Variants in ADAMTS6 observed in about 807,000 individuals in gnomAD.
ADAMTS6 encodes A disintegrin and metalloproteinase with thrombospondin motifs 6.
A neutral mutation model predicts 144.3 loss-of-function variants in ADAMTS6; 23 were observed. That is an observed-to-expected ratio of 0.16 (90% CI 0.11 to 0.23). ADAMTS6 has a LOEUF of 0.23. Ranked by LOEUF, ADAMTS6 falls within the 10% of genes least tolerant of loss-of-function variation. ADAMTS6 has a pLI of 1.00. For synonymous variants in ADAMTS6, 444 were observed against 457.5 expected (o/e 0.97, Z 0.38); for missense variants, 999 against 1,379.6 (o/e 0.72, Z 4.37).
chr5:65,329,427 C>A lies in ADAMTS6; in HGVS notation c.1174G>T (p.Asp392Tyr). ...GTAAAAGCTGAACCCAGGCCAATGT[C>A]TTCATTAATGCTGCAGCTCCTTTCA... is the stretch of plus-strand genomic sequence containing the variant. Reference protein sequence around the residue: ...EPERSCSINEDIGLGSAFTIA... With the variant: ...EPERSCSINEYIGLGSAFTIA... The change falls in exon 9 of 25, where the codon GAC becomes TAC. Residue 392 changes from aspartate to tyrosine, a missense_variant. Asp to Tyr is a radical substitution (Grantham distance 160, BLOSUM62 -3). Transcript: ENST00000381055. 1 of 1,612,936 alleles carries A rather than the reference C, an allele frequency of 6.2e-7. No individual in the cohort carries two copies. Among genetic ancestry groups the A allele is most frequent in the Non-Finnish European group, 8.5e-7 (1 of 1,179,322 alleles).
intron 7 of ADAMTS6, among the ~76,000 whole-genome samples, chr5:65,443,161 A>G (rs1757997627): frequency 2.6e-5 from 4 of 152,196 alleles, no homozygotes; most frequent in Admixed American, 2.0e-4. Flanking sequence ...TATCTTTATA[A>G]TAGAATGGTT....
intron 11 of ADAMTS6, among the ~76,000 whole-genome samples, chr5:65,284,000 C>T (rs1301653654): frequency 6.6e-6 from 1 of 152,012 alleles, no homozygotes; most frequent in African/African-American, 2.4e-5. Flanking sequence ...ATGTACTTCT[C>T]AGTATTTCCC....
chr5:65,254,928 G>T (rs1760516752), intron 14 of ADAMTS6, among the ~76,000 whole-genome samples: 1 of 152,126 alleles, frequency 6.6e-6, no homozygotes, highest in Non-Finnish European at 1.5e-5. Context: ...TAATATGTTT[G>T]GTACATAGTA....
chr5:65,195,636 A>G (rs1223527966), intron 21 of ADAMTS6, among the ~76,000 whole-genome samples: 3 of 152,230 alleles, frequency 2.0e-5, no homozygotes, highest in Admixed American at 1.3e-4. Context: ...TATTTGGGAC[A>G]TGGATTATTT....
chr5:65,337,616 A>T (rs1226720001), intron 7 of ADAMTS6, among the ~76,000 whole-genome samples: 1 of 152,042 alleles, frequency 6.6e-6, no homozygotes, highest in African/African-American at 2.4e-5. Flanking sequence ...GTTCCTCGAT[A>T]TAACTCTCAG....
intron 7 of ADAMTS6, among the ~76,000 whole-genome samples, chr5:65,360,900 T>A (rs1369594622): frequency 2.6e-5 from 4 of 152,328 alleles, no homozygotes; most frequent in Non-Finnish European, 4.4e-5. Context: ...CCAATTTTTT[T>A]AATAGTTTAC....
At chr5:65,235,748 C>T (rs181723398) in intron 15 of ADAMTS6, among the ~76,000 whole-genome samples, 202 of 152,222 alleles carry the variant, frequency 1.3e-3, no homozygotes, top group African/African-American at 4.6e-3. Flanking sequence ...ACCTTGTGAT[C>T]GTGTGAACTA....
At chr5:65,369,428 T>C (rs1352692042) in intron 7 of ADAMTS6, among the ~76,000 whole-genome samples, 1 of 152,110 alleles carries the variant, frequency 6.6e-6, no homozygotes, top group Admixed American at 6.5e-5. Flanking sequence ...TAGTTCAAAC[T>C]AAGAAGTACG....
chr5:65,169,947 T>A (rs1248923446), intron 24 of ADAMTS6, among the ~76,000 whole-genome samples: 4 of 148,528 alleles, frequency 2.7e-5, no homozygotes, highest in Non-Finnish European at 4.5e-5. Context: ...GATGATGAGT[T>A]AGTGGGTGCA....
chr5:65,467,267 T>A (rs1324735702), intron 3 of ADAMTS6, among the ~76,000 whole-genome samples: 1 of 151,076 alleles, frequency 6.6e-6, no homozygotes, highest in Non-Finnish European at 1.5e-5. Context: ...GAAGAAAAAA[T>A]TAAGAAGATA....
At chr5:65,348,734 A>G (rs959008281) in intron 7 of ADAMTS6, among the ~76,000 whole-genome samples, 2 of 152,142 alleles carry the variant, frequency 1.3e-5, no homozygotes, top group Non-Finnish European at 2.9e-5. Flanking sequence ...ATATATACAT[A>G]TATCAGAACA....
chr5:65,448,398 C>T (rs1044023224), intron 7 of ADAMTS6, among the ~76,000 whole-genome samples: 1 of 151,900 alleles, frequency 6.6e-6, no homozygotes, highest in Admixed American at 6.6e-5. Flanking sequence ...TCTGCATAAA[C>T]CTTTGAGTCC....
intron 4 of ADAMTS6, among the ~76,000 whole-genome samples, chr5:65,454,516 C>A (rs140354337): frequency 6.6e-6 from 1 of 152,190 alleles, no homozygotes; most frequent in African/African-American, 2.4e-5. Context: ...GCCTCCATGA[C>A]CTCTGTCTCC....
At chr5:65,429,247 C>T (rs1756804607) in intron 7 of ADAMTS6, among the ~76,000 whole-genome samples, 1 of 152,188 alleles carries the variant, frequency 6.6e-6, no homozygotes, top group Non-Finnish European at 1.5e-5. Flanking sequence ...TCTGGATAAA[C>T]AGGCCTTGCT....
intron 22 of ADAMTS6, among the ~76,000 whole-genome samples, chr5:65,181,931 C>T (rs1754377481): frequency 6.6e-6 from 1 of 152,206 alleles, no homozygotes; most frequent in Non-Finnish European, 1.5e-5. Flanking sequence ...AAGTCTGGGA[C>T]ATACATCTCT....
chr5:65,362,802 T>A (rs191573179), intron 7 of ADAMTS6, among the ~76,000 whole-genome samples: 168 of 152,308 alleles, frequency 1.1e-3, no homozygotes, highest in Non-Finnish European at 1.9e-3. Flanking sequence ...TTCACTCCAG[T>A]AGAGGAATCA....
At chr5:65,166,061 T>G (rs1447964691) in intron 24 of ADAMTS6, among the ~76,000 whole-genome samples, 16 of 143,706 alleles carry the variant, frequency 1.1e-4, no homozygotes, top group East Asian at 4.1e-4. Flanking sequence ...TGGACTAAAT[T>G]CTCCAATTAA....
chr5:65,237,556 C>T (rs1006406736), intron 15 of ADAMTS6, among the ~76,000 whole-genome samples: 2 of 151,952 alleles, frequency 1.3e-5, no homozygotes, highest in Admixed American at 1.3e-4. Context: ...AGAGATAACA[C>T]CAATCCTAAA....
At chr5:65,232,157 C>T (rs1195266270) in intron 15 of ADAMTS6, among the ~76,000 whole-genome samples, 3 of 151,930 alleles carry the variant, frequency 2.0e-5, no homozygotes, top group African/African-American at 4.8e-5. Flanking sequence ...CAACAAGAAA[C>T]CTTATGACAA....
Sources: allele counts gnomAD v4.1 joint callset (sites outside exome capture counted in the v4.1 genomes callset), GRCh38; gene constraint gnomAD v4.1.1; transcripts MANE v1.5; gene names NCBI Gene and HGNC (gene_info 2026-07-23, HGNC 2026-07-21).